KIAA1217: variants seen among roughly 807,000 people sequenced by gnomAD.
KIAA1217 encodes sickle tail protein homolog.
A neutral mutation model predicts 163.9 loss-of-function variants in KIAA1217; 88 were observed. The ratio of observed to expected loss-of-function variants is 0.54; its 90% confidence interval spans 0.45 to 0.64. The LOEUF (loss-of-function observed/expected upper bound fraction) is 0.64. Ranked by LOEUF, KIAA1217 falls within the 30% of genes least tolerant of loss-of-function variation. The pLI, the probability that KIAA1217 is intolerant of heterozygous loss-of-function variation, is 0.00. For missense variants in KIAA1217, 2,372 were observed against 2,475.0 expected (o/e 0.96, Z 0.88); for synonymous variants, 903 against 923.1 (o/e 0.98, Z 0.39).
intron 2 of KIAA1217, among the ~76,000 whole-genome samples, chr10:24,116,756 C>G (rs2063070928): frequency 6.6e-6 from 1 of 152,136 alleles, no homozygotes; most frequent in Non-Finnish European, 1.5e-5. Flanking sequence ...CCTTACCTCT[C>G]TTAATTTTTC....
chr10:24,161,286 C>G (rs2065108182), intron 2 of KIAA1217, among the ~76,000 whole-genome samples: 1 of 152,212 alleles, frequency 6.6e-6, no homozygotes, highest in Non-Finnish European at 1.5e-5. Context: ...ATCCACATTT[C>G]AAAAGACAGT....
At chr10:23,869,124 G>GTTTTGTTTTTTTTTTTTTT (rs1840332102) in intron 1 of KIAA1217, among the ~76,000 whole-genome samples, 1 of 31,702 alleles carries the variant, frequency 3.2e-5, no homozygotes, top group African/African-American at 1.2e-4. Flanking sequence ...ATGAAATGTA[G>GTTTTGTTTTTTTTTTTTTT]TTTTTTTTTT....
At chr10:23,767,446 A>T (rs1211373112) in intron 1 of KIAA1217, among the ~76,000 whole-genome samples, 1 of 152,146 alleles carries the variant, frequency 6.6e-6, no homozygotes, top group African/African-American at 2.4e-5. Context: ...AGAAGGACAT[A>T]TTTAGTAGGT....
intron 1 of KIAA1217, among the ~76,000 whole-genome samples, chr10:23,888,711 A>C (rs1360381792): frequency 6.6e-6 from 1 of 151,878 alleles, no homozygotes; most frequent in Non-Finnish European, 1.5e-5. Context: ...TTCTTAGAAA[A>C]ATTTTAATGA....
At position 24,454,454 on chromosome 10, in the gene KIAA1217, G is replaced by A. The variant is rs770323484; in HGVS notation, c.846+15975G>A. On this transcript the variant is annotated intron_variant, in intron 5 of 20. Transcript: ENST00000376454. ...ACTCTTTGAAACTGTTCCTTTTCAC[G>A]CACCCTTGATAGAGTAGGAAGAGTT... Among the ~76,000 whole-genome samples, 101 of 152,034 alleles carry A rather than the reference G, an allele frequency of 6.6e-4. 1 individual carries two copies. The highest frequency in any genetic ancestry group is 3.9e-4 in the Admixed American group (6 of 15,274).
At chr10:24,545,513 GC>G (rs1016963004) in intron 20 of KIAA1217, 8 of 1,296,150 alleles carry the variant, frequency 6.2e-6, no homozygotes, top group Non-Finnish European at 7.8e-6. Flanking sequence ...CCGTCACAAT[GC>G]CCGACCCCCA....
intron 1 of KIAA1217, among the ~76,000 whole-genome samples, chr10:23,854,317 A>C (rs989963898): frequency 1.1e-4 from 16 of 151,830 alleles, no homozygotes; most frequent in Non-Finnish European, 2.9e-5. Context: ...CATGTAGTTG[A>C]GTGGTTTTGA....
chr10:24,065,457 G>C (rs1472468073), intron 2 of KIAA1217, among the ~76,000 whole-genome samples: 1 of 152,174 alleles, frequency 6.6e-6, no homozygotes, highest in Non-Finnish European at 1.5e-5. Context: ...GCGGTTTTGA[G>C]TGAGTTTCTT....
rs763789551 is a variant in KIAA1217 at position 24,501,480 on chromosome 10, C to T, written c.1936C>T (p.Leu646=). 6.2e-7 allele frequency: 1 copy of T among 1,614,012 alleles called. No individual in the cohort carries two copies. The highest frequency in any genetic ancestry group is 1.1e-5 in the South Asian group (1 of 91,062). ...GGGCACCTCAGCCATCCACATGAGC[C>T]TGCTTGAGATGAGGCGGAGCGTGGC... is the stretch of plus-strand genomic sequence containing the variant. The part of the protein sequence containing the change: ...PVGTSAIHMS[L]LEMRRSVAEL... Residue 646 remains leucine (L), a synonymous_variant, in exon 9 of 21, where the codon CTG becomes TTG. Coordinates refer to ENST00000376454, the MANE Select transcript of KIAA1217 (RefSeq NM_019590.5).
At chr10:24,326,712 G>GT (rs903018988) in intron 2 of KIAA1217, among the ~76,000 whole-genome samples, 10 of 151,956 alleles carry the variant, frequency 6.6e-5, no homozygotes, top group Admixed American at 6.6e-5. Flanking sequence ...TCCACAAAAG[G>GT]TTTGTGGCAT....
chr10:24,202,142 C>G (rs1035729154), intron 2 of KIAA1217, among the ~76,000 whole-genome samples: 1 of 152,210 alleles, frequency 6.6e-6, no homozygotes, highest in African/African-American at 2.4e-5. Context: ...ATCTGTGTCT[C>G]TGTTTCTCTT....
rs1842521137 is a variant in KIAA1217, at chr10:23,913,529, G to T, written c.-320-93696G>T. On this transcript the variant is annotated intron_variant, in intron 1 of 18. Transcript: ENST00000376462. ...ATTTTTTGGAGATGAAAGCAAGGGG[G>T]AGTGAGAAGTGTATAATAAGAATGA... 2.0e-5 allele frequency among the ~76,000 whole-genome samples: 3 copies of T among 152,052 alleles called. No homozygotes were observed. In the South Asian group the frequency reaches 6.2e-4, roughly 31 times the overall value.
At chr10:24,432,889 C>T (rs2059715842) in intron 3 of KIAA1217, 106 bp from the exon 4 acceptor site, 1 of 803,308 alleles carries the variant, frequency 1.2e-6, no homozygotes, top group African/African-American at 1.7e-5. Context: ...GCTTGCCAAG[C>T]TTGTCCTGAA....
intron 2 of KIAA1217, among the ~76,000 whole-genome samples, chr10:24,178,901 A>G (rs190935325): frequency 3.1e-4 from 47 of 152,218 alleles, no homozygotes; most frequent in African/African-American, 1.1e-3. Context: ...AAGTATCCCA[A>G]ATTTTAGTTA....
At chr10:23,788,144 A>C (rs902905723) in intron 1 of KIAA1217, among the ~76,000 whole-genome samples, 4 of 152,160 alleles carry the variant, frequency 2.6e-5, no homozygotes, top group Non-Finnish European at 4.4e-5. Context: ...GCTGCAGTGA[A>C]CTATGACTAC....
At chr10:24,505,234 C>T (rs1009947947) in intron 9 of KIAA1217, among the ~76,000 whole-genome samples, 1 of 150,256 alleles carries the variant, frequency 6.7e-6, no homozygotes, top group Non-Finnish European at 1.5e-5. Context: ...GCACCTCATT[C>T]CCAGTGGCTA....
chr10:23,851,984 G>GT lies in KIAA1217; in HGVS notation c.-320-155232dup, dbSNP rs199591351. 8.9e-3 allele frequency among the ~76,000 whole-genome samples: 1,347 copies of GT among 151,244 alleles called. 39 individuals are homozygous for GT. The highest frequency in any genetic ancestry group is 0.047 in the Admixed American group (708 of 15,154). On this transcript the variant is annotated intron_variant, in intron 1 of 18. Transcript: ENST00000376462. ...GGGTTGCCTGTTCACTCCGATGGTA[G>GT]TTTTTTTTTGCTGTGCAGAAGCTCT...
chr10:23,817,980 T>C (rs1178645938), intron 1 of KIAA1217, among the ~76,000 whole-genome samples: 6 of 111,680 alleles, frequency 5.4e-5, no homozygotes, highest in African/African-American at 2.3e-4. Context: ...TATATATATA[T>C]ATATATATAT....
intron 8 of KIAA1217, among the ~76,000 whole-genome samples, chr10:24,500,403 T>C (rs959761560): frequency 7.9e-5 from 12 of 151,406 alleles, no homozygotes; most frequent in African/African-American, 2.9e-4. Context: ...TGTGCGTGTG[T>C]GTGTGTGTGT....
Sources: gnomAD v4.1 joint callset for allele counts (sites outside exome capture counted in the v4.1 genomes callset) on GRCh38, gnomAD v4.1.1 for gene constraint, MANE v1.5 for transcripts, NCBI Gene and HGNC (gene_info 2026-07-23, HGNC 2026-07-21) for gene names.